Variants in SLC12A3 observed in about 807,000 individuals in gnomAD.
SLC12A3 encodes the protein solute carrier family 12 member 3.
In SLC12A3, 104 loss-of-function variants were observed where a neutral mutation model predicts 121.0. That is an observed-to-expected ratio of 0.86 (90% CI 0.73 to 1.01). SLC12A3 has a LOEUF of 1.01. Ranked by LOEUF, SLC12A3 falls within the 50% of genes least tolerant of loss-of-function variation. SLC12A3 has a pLI of 0.00. For missense variants in SLC12A3, 1,328 were observed against 1,356.3 expected (o/e 0.98, Z 0.33); for synonymous variants, 536 against 533.4 (o/e 1.00, Z -0.07).
chr16:56,902,544 T>C, intron 24 of SLC12A3, 36 bp downstream of exon 24: 4 of 1,582,866 alleles, frequency 2.5e-6, no homozygotes, highest in Non-Finnish European at 2.6e-6. Context: ...ACGCGACACA[T>C]CACTGGGTCA....
chr16:56,903,330 T>A (rs2055564301), intron 24 of SLC12A3, among the ~76,000 whole-genome samples: 1 of 151,922 alleles, frequency 6.6e-6, no homozygotes, highest in Admixed American at 6.6e-5. Context: ...TGCGTCAAGG[T>A]GGGGCAGGCT....
At chr16:56,868,937 A>T (rs1964424326) in intron 3 of SLC12A3, among the ~76,000 whole-genome samples, 1 of 151,930 alleles carries the variant, frequency 6.6e-6, no homozygotes, top group Non-Finnish European at 1.5e-5. Context: ...ACGCCACTGC[A>T]TTCCAGCCTG....
chr16:56,882,517 A>G lies in SLC12A3; in HGVS notation c.1669+20A>G. The G allele has an allele frequency of 6.3e-7, 1 of 1,590,046 alleles. No homozygotes were observed. The highest frequency in any genetic ancestry group is 8.6e-7 in the Non-Finnish European group (1 of 1,158,286). On this transcript the variant is annotated intron_variant, in intron 13 of 25. Transcript: ENST00000563236. ...CGCCTGGTAAGCAAACCCTTCACCCACCTCAGGAGGAGGCACCCAGGGGGC... is the reference window on the plus strand; with the variant it reads ...CGCCTGGTAAGCAAACCCTTCACCCGCCTCAGGAGGAGGCACCCAGGGGGC...
intron 8 of SLC12A3, among the ~76,000 whole-genome samples, chr16:56,877,285 A>G (rs1197415777): frequency 6.6e-6 from 1 of 152,084 alleles, no homozygotes; most frequent in Non-Finnish European, 1.5e-5. Flanking sequence ...AGTCCCAGCT[A>G]CTTGGGAGGC....
At chr16:56,875,380 T>C (rs994090768) in intron 8 of SLC12A3, among the ~76,000 whole-genome samples, 2 of 152,142 alleles carry the variant, frequency 1.3e-5, no homozygotes, top group African/African-American at 4.8e-5. Flanking sequence ...TCATGTAAAG[T>C]GCTTAGAATA....
chr16:56,889,793 C>G (rs1210005223), intron 18 of SLC12A3, among the ~76,000 whole-genome samples: 3 of 152,212 alleles, frequency 2.0e-5, no homozygotes, highest in Non-Finnish European at 2.9e-5. Context: ...TCTTTATAGA[C>G]AGCCTATTGC....
chr16:56,868,323 C>T lies in SLC12A3; in HGVS notation c.456C>T (p.Gly152=), dbSNP rs141342016. The T allele has an allele frequency of 1.1e-5, 17 of 1,613,954 alleles. No homozygotes were observed. Among genetic ancestry groups the T allele is most frequent in the African/African-American group, 8.0e-5 (6 of 75,060 alleles). ...VMIRCMLNIW[G]VILYLRLPWI... ...TTCGTTGCATGCTCAACATTTGGGG[C>T]GTGATCCTCTACCTGCGGCTGCCCT... The change falls in exon 3 of 26, where the codon GGC becomes GGT. Residue 152 remains glycine (G), a synonymous_variant. Coordinates refer to ENST00000563236, the MANE Select transcript of SLC12A3 (RefSeq NM_001126108.2).
chr16:56,867,446 C>T (rs1330494751), intron 2 of SLC12A3, among the ~76,000 whole-genome samples: 1 of 152,198 alleles, frequency 6.6e-6, no homozygotes, highest in Non-Finnish European at 1.5e-5. Context: ...ACTAAACACA[C>T]AAATCCGTAA....
rs575097159 is a variant in SLC12A3 at position 56,883,002 on chromosome 16, C to G, written c.1669+505C>G. Reference sequence around the variant, plus strand: ...GCGGCTCTCCTTTCTCGCGCACTGACAGTGTGCACTTTACATGGATTCATA... The same window carrying G: ...GCGGCTCTCCTTTCTCGCGCACTGAGAGTGTGCACTTTACATGGATTCATA... On this transcript the variant is annotated intron_variant, in intron 13 of 25. Transcript: ENST00000563236. Among the ~76,000 whole-genome samples, 11 of 152,252 alleles carry G rather than the reference C, an allele frequency of 7.2e-5. No homozygotes were observed. In the East Asian group the frequency reaches 1.9e-3, roughly 27 times the overall value.
At chr16:56,868,829 A>G (rs1477051755) in intron 3 of SLC12A3, among the ~76,000 whole-genome samples, 3 of 151,992 alleles carry the variant, frequency 2.0e-5, no homozygotes, top group Non-Finnish European at 2.9e-5. Context: ...AAAATTGGCC[A>G]GGCGTGGTTG....
chr16:56,912,093 TG>T (rs2055693864), intron 25 of SLC12A3, among the ~76,000 whole-genome samples: 1 of 152,240 alleles, frequency 6.6e-6, no homozygotes, highest in African/African-American at 2.4e-5. Flanking sequence ...TTCTCCCACC[TG>T]TGAAGGAGCG....
Position 56,900,020 on chromosome 16 carries a change from G to A in SLC12A3, c.2720+404G>A, listed in dbSNP as rs76561305. ...TTTGCTTTCCAAATGGTATAACTCC[G>A]TCTTCTTCAAATAAGACATTTACAA... is the stretch of plus-strand genomic sequence containing the variant. On this transcript the variant is annotated intron_variant, in intron 23 of 25. Coordinates refer to ENST00000563236, the MANE Select transcript of SLC12A3 (RefSeq NM_001126108.2). Among the ~76,000 whole-genome samples the A allele has an allele frequency of 4.6e-3, 704 of 152,314 alleles. 4 individuals carry two copies. The highest frequency in any genetic ancestry group is 0.016 in the African/African-American group (657 of 41,570).
rs1197165577 is a variant in SLC12A3, at chr16:56,902,253, G to A, written c.2721-120G>A. The stretch of plus-strand genomic sequence containing the variant: ...AGCCACTTTGTAAATGGCAGTGTCC[G>A]ATGGGTTTCAGCCTGAAAATGGGAG... On this transcript the variant is annotated intron_variant, in intron 23 of 25. Coordinates refer to ENST00000563236, the MANE Select transcript of SLC12A3 (RefSeq NM_001126108.2). The A allele has an allele frequency of 4.7e-6, 6 of 1,285,012 alleles. No individual in the cohort carries two copies. The South Asian group carries it at 4.9e-5, about 10-fold the overall frequency. 79.6% of individuals were successfully genotyped at this position (1,285,012 alleles called of 1,614,324 possible).
Position 56,878,095 on chromosome 16 carries a change from C to A in SLC12A3, c.1114C>A (p.Pro372Thr), listed in dbSNP as rs2055189755. The change falls in exon 9 of 26, where the codon CCC (proline) becomes ACC (threonine). Residue 372 changes from proline to threonine, a missense_variant. Coordinates refer to ENST00000563236, the MANE Select transcript of SLC12A3 (RefSeq NM_001126108.2). Reference sequence around the variant, plus strand: ...CCTTCAGGACCCTGCTATAGCCATCCCCAAGGGGACCCTCATGGCCATTTT... The same window carrying A: ...CCTTCAGGACCCTGCTATAGCCATCACCAAGGGGACCCTCATGGCCATTTT... ...GDLKDPAIAI[P>T]KGTLMAIFWT... 23 of 1,558,592 alleles carry A rather than the reference C, an allele frequency of 1.5e-5. No homozygotes were observed. The East Asian group carries it at 5.3e-4, about 36-fold the overall frequency.
intron 25 of SLC12A3, among the ~76,000 whole-genome samples, chr16:56,908,450 T>A (rs1251361770): frequency 6.6e-6 from 1 of 152,014 alleles, no homozygotes; most frequent in Non-Finnish European, 1.5e-5. Context: ...CAGCTGCAGA[T>A]AGTGATATAA....
At chr16:56,891,193 G>A (rs537749395) in intron 19 of SLC12A3, among the ~76,000 whole-genome samples, 1 of 151,734 alleles carries the variant, frequency 6.6e-6, no homozygotes, top group Non-Finnish European at 1.5e-5. Flanking sequence ...GGGTAACATA[G>A]CAAGACCCCA....
At position 56,912,589 on chromosome 16, in the gene SLC12A3, G is replaced by T. The variant is rs1035077640; in HGVS notation, c.2925-675G>T. ...GAAGCGGGTGGCCTGATAGGGAAGG[G>T]TCGCCCACTTAACAAATATATACTG... is the stretch of plus-strand genomic sequence containing the variant. On this transcript the variant is annotated intron_variant, in intron 25 of 25. Transcript: ENST00000563236. Among the ~76,000 whole-genome samples, 3 of 152,354 alleles carry T rather than the reference G, an allele frequency of 2.0e-5. No homozygotes were observed. In the South Asian group the frequency reaches 6.2e-4, roughly 32 times the overall value.
At chr16:56,875,047 T>C (rs551670139) in intron 8 of SLC12A3, among the ~76,000 whole-genome samples, 135 of 152,232 alleles carry the variant, frequency 8.9e-4, no homozygotes, top group Middle Eastern at 3.4e-3. Flanking sequence ...TCTCATTAGA[T>C]CGTTGCCTGG....
intron 13 of SLC12A3, among the ~76,000 whole-genome samples, chr16:56,883,178 A>C (rs1315716590): frequency 6.6e-6 from 1 of 152,002 alleles, no homozygotes; most frequent in Non-Finnish European, 1.5e-5. Context: ...GCATAACTCT[A>C]GGAGGCACCA....
Sources: allele counts gnomAD v4.1 joint callset (sites outside exome capture counted in the v4.1 genomes callset), GRCh38; gene constraint gnomAD v4.1.1; transcripts MANE v1.5; gene names NCBI Gene and HGNC (gene_info 2026-07-23, HGNC 2026-07-21).